MINDY2: variants seen among roughly 807,000 people sequenced by gnomAD.
MINDY2 encodes the protein ubiquitin carboxyl-terminal hydrolase MINDY-2.
Under a neutral mutation model 68.2 loss-of-function variants are expected in MINDY2, and 52 were observed. The ratio of observed to expected loss-of-function variants is 0.76; its 90% CI spans 0.61 to 0.96. The LOEUF (loss-of-function observed/expected upper bound fraction) is 0.96, where lower values mean the gene tolerates loss of function less well. Ranked by LOEUF, MINDY2 falls within the 40% of genes least tolerant of loss-of-function variation. The pLI, the probability that MINDY2 is intolerant of heterozygous loss-of-function variation, is 0.00. For synonymous variants in MINDY2, 372 were observed against 303.0 expected (o/e 1.23, Z -2.36); for missense variants, 881 against 773.4 (o/e 1.14, Z -1.65).
Position 58,787,916 on chromosome 15 carries a change from C to T in MINDY2, c.851C>T (p.Pro284Leu). The T allele has an allele frequency of 2.5e-6, 4 of 1,593,442 alleles. No individual in the cohort carries two copies. Among genetic ancestry groups the T allele is most frequent in the East Asian group, 2.3e-5 (1 of 44,174 alleles). Residue 284 changes from proline (P) to leucine (L), a missense_variant, in exon 2 of 9, where the codon CCA (proline) becomes CTA (leucine). Coordinates refer to ENST00000559228, the MANE Select transcript of MINDY2 (RefSeq NM_001040450.3). ...TATTTTGTTTTTCAGGTGAAACTTC[C>T]ACCGATGATGGAAATCATAACTGCT... ...VLLLAWKVKLPPMMEIITAEQ... is the reference protein window; with the variant it reads ...VLLLAWKVKLLPMMEIITAEQ...
At chr15:58,823,809 A>G (rs1160156790) in intron 5 of MINDY2, among the ~76,000 whole-genome samples, 2 of 152,232 alleles carry the variant, frequency 1.3e-5, no homozygotes, top group Non-Finnish European at 2.9e-5. Context: ...ACAAAAGTAT[A>G]TTCTCTCAAT....
chr15:58,779,861 T>TGAGTAGTC (rs778701494), intron 1 of MINDY2, among the ~76,000 whole-genome samples: 1 of 152,218 alleles, frequency 6.6e-6, no homozygotes, highest in African/African-American at 2.4e-5. Flanking sequence ...CCCCTTGGTA[T>TGAGTAGTC]GAGTAGTCTT....
At chr15:58,838,877 G>A (rs181209468) in intron 6 of MINDY2, among the ~76,000 whole-genome samples, 5 of 151,538 alleles carry the variant, frequency 3.3e-5, no homozygotes, top group East Asian at 1.9e-4. Flanking sequence ...CACTGAGCCC[G>A]GCCTAATTTT....
intron 2 of MINDY2, among the ~76,000 whole-genome samples, chr15:58,790,750 G>A (rs1212932354): frequency 2.0e-5 from 3 of 152,188 alleles, no homozygotes; most frequent in African/African-American, 7.2e-5. Flanking sequence ...AGTGAAAGTG[G>A]AGTCAAGGAC....
rs1296452250 is a variant in MINDY2 at position 58,803,968 on chromosome 15, AAT to A, written c.963+1593_963+1594del. Among the ~76,000 whole-genome samples the A allele has an allele frequency of 5.5e-3, 807 of 147,492 alleles. 6 individuals carry two copies. The highest frequency in any genetic ancestry group is 0.019 in the African/African-American group (759 of 39,322). On this transcript the variant is annotated intron_variant, in intron 3 of 8. Transcript: ENST00000559228. ...CTGAAAAAAAAAAAAAAAAAAAAAAAATACAAAAAATTAGCCAGGCGTGGTGG... is the reference window on the plus strand; with the variant it reads ...CTGAAAAAAAAAAAAAAAAAAAAAAAACAAAAAATTAGCCAGGCGTGGTGG...
chr15:58,832,995 G>A (rs2141023568), intron 6 of MINDY2, among the ~76,000 whole-genome samples: 1 of 152,208 alleles, frequency 6.6e-6, no homozygotes, highest in African/African-American at 2.4e-5. Flanking sequence ...AATAATGTGT[G>A]GCTTTAAATT....
intron 2 of MINDY2, among the ~76,000 whole-genome samples, chr15:58,792,327 G>A (rs1901998515): frequency 6.6e-6 from 1 of 152,218 alleles, no homozygotes; most frequent in Non-Finnish European, 1.5e-5. Context: ...AAATGTTCAG[G>A]CCACACGCGG....
Position 58,854,512 on chromosome 15 carries a change from A to G in MINDY2, c.1768A>G (p.Ser590Gly), listed in dbSNP as rs2032988208. The change falls in exon 9 of 9, where the codon AGT becomes GGT. Residue 590 changes from serine (S) to glycine (G), a missense_variant. Physicochemically the swap from Ser to Gly is moderately conservative, Grantham distance 56. Coordinates refer to ENST00000559228, the MANE Select transcript of MINDY2 (RefSeq NM_001040450.3). ...QGQPAQASPS[S>G]GRQSGNSERK... ...CCAGCCAGCACAAGCCTCTCCATCA[A>G]GTGGAAGACAATCTGGGAATAGTGA... 1 of 1,613,922 alleles carries G rather than the reference A, an allele frequency of 6.2e-7. No homozygotes were observed.
intron 2 of MINDY2, among the ~76,000 whole-genome samples, chr15:58,793,075 G>A (rs763156915): frequency 2.6e-5 from 4 of 152,206 alleles, no homozygotes; most frequent in Non-Finnish European, 5.9e-5. Flanking sequence ...TGGTTGCTTA[G>A]GGCTGGGGAA....
intron 7 of MINDY2, among the ~76,000 whole-genome samples, chr15:58,847,735 A>T (rs889238253): frequency 1.3e-5 from 2 of 152,232 alleles, no homozygotes; most frequent in Non-Finnish European, 2.9e-5. Flanking sequence ...TATGTCAAGT[A>T]TTAAACACAG....
intron 1 of MINDY2, among the ~76,000 whole-genome samples, chr15:58,775,300 A>G (rs1359758405): frequency 6.6e-6 from 1 of 152,198 alleles, no homozygotes; most frequent in Non-Finnish European, 1.5e-5. Flanking sequence ...AATCATTTTT[A>G]AGACTGTAAA....
rs2033194532 is a variant in MINDY2, at chr15:58,860,653, C to G, written c.*6043C>G. On this transcript the variant is annotated 3_prime_UTR_variant, in exon 9 of 9. Coordinates refer to ENST00000559228, the MANE Select transcript of MINDY2 (RefSeq NM_001040450.3). ...CAAATCAGTGATCTGTCAAAATAGG[C>G]CTTGTAACTGAAATACCTTACAAAG... 6.6e-6 allele frequency: 1 copy of G among 151,080 alleles called. No homozygotes were observed. The highest frequency in any genetic ancestry group is 2.4e-5 in the African/African-American group (1 of 41,048). The allele number at this position is 151,080 out of a possible 1,614,324, so 9.4% of individuals were successfully genotyped here. A position where few individuals can be genotyped will look rare whatever the true frequency, so the allele number is the denominator to read the frequency against.
intron 5 of MINDY2, among the ~76,000 whole-genome samples, chr15:58,827,844 T>C (rs1233848076): frequency 6.6e-6 from 1 of 152,140 alleles, no homozygotes; most frequent in Non-Finnish European, 1.5e-5. Context: ...TCAAGTTGGG[T>C]CTTGTGTTCT....
intron 5 of MINDY2, among the ~76,000 whole-genome samples, chr15:58,823,104 A>T (rs1167343979): frequency 6.7e-6 from 1 of 149,124 alleles, no homozygotes; most frequent in Non-Finnish European, 1.5e-5. Context: ...AATGCATAGT[A>T]TTTTAGTTAA....
chr15:58,772,309 C>G, intron 1 of MINDY2, 74 bp downstream of exon 1: 5 of 1,574,784 alleles, frequency 3.2e-6, no homozygotes, highest in Non-Finnish European at 4.3e-6. Flanking sequence ...TGCTGCATGT[C>G]AGGTGATGGC....
At chr15:58,842,944 C>T (rs2053252762) in intron 6 of MINDY2, among the ~76,000 whole-genome samples, 1 of 152,118 alleles carries the variant, frequency 6.6e-6, no homozygotes, top group Admixed American at 6.6e-5. Context: ...TGCTTCACTG[C>T]CTCTCTGGGT....
Position 58,831,768 on chromosome 15 carries a change from C to CTA in MINDY2, c.1226-3_1226-2dup. 6.2e-7 allele frequency: 1 copy of CTA among 1,608,658 alleles called. No homozygotes were observed. Among genetic ancestry groups the CTA allele is most frequent in the Non-Finnish European group, 8.5e-7 (1 of 1,178,242 alleles). On this transcript the variant is annotated splice_region_variant and splice_polypyrimidine_tract_variant and intron_variant, in intron 5 of 8. Transcript: ENST00000559228. ...TTCTATCTAATGTTATGCATTGGTT[C>CTA]TATAGGCTTTGTAGCTGAGCAGTTT... is the stretch of plus-strand genomic sequence containing the variant.
intron 6 of MINDY2, among the ~76,000 whole-genome samples, chr15:58,843,289 A>G (rs750356643): frequency 2.0e-5 from 3 of 152,028 alleles, no homozygotes; most frequent in African/African-American, 4.8e-5. Context: ...AGCTGAGACT[A>G]CAGGCATGTA....
chr15:58,842,302 G>A (rs988625094), intron 6 of MINDY2, among the ~76,000 whole-genome samples: 1 of 152,038 alleles, frequency 6.6e-6, no homozygotes, highest in African/African-American at 2.4e-5. Context: ...GATGGTATGA[G>A]GTTGGTTCTG....
Sources: allele counts gnomAD v4.1 joint callset (sites outside exome capture counted in the v4.1 genomes callset), GRCh38; gene constraint gnomAD v4.1.1; transcripts MANE v1.5; gene names NCBI Gene and HGNC (gene_info 2026-07-23, HGNC 2026-07-21).